The following JMJD7 variants were observed in gnomAD, a reference collection of about 807,000 sequenced individuals.
JMJD7 encodes the protein jumonji domain containing 7, also known as bifunctional peptidase and (3S)-lysyl hydroxylase JMJD7.
In JMJD7, 41 loss-of-function variants were observed where a neutral mutation model predicts 41.1. The observed-to-expected ratio is 1.00, with a 90% CI of 0.78 to 1.30. JMJD7 has a LOEUF of 1.30. JMJD7 is among the 50% of genes most tolerant of loss of function. The pLI, the probability that JMJD7 is intolerant of heterozygous loss-of-function variation, is 0.00. For synonymous variants in JMJD7, 202 were observed against 177.2 expected (o/e 1.14, Z -1.11); for missense variants, 480 against 420.7 (o/e 1.14, Z -1.23).
At chr15:41,833,623 G>A (rs923438174) in intron 1 of JMJD7, among the ~76,000 whole-genome samples, 3 of 151,188 alleles carry the variant, frequency 2.0e-5, no homozygotes, top group East Asian at 1.9e-4. Flanking sequence ...GTCTCCCTAC[G>A]TTGCCAAGGC....
Position 41,834,980 on chromosome 15 carries a change from G to T in JMJD7, c.229G>T (p.Gly77Cys), listed in dbSNP as rs759601576. 1 of 1,614,144 alleles carries T rather than the reference G, an allele frequency of 6.2e-7. No individual in the cohort carries two copies. Among genetic ancestry groups the T allele is most frequent in the Non-Finnish European group, 8.5e-7 (1 of 1,180,042 alleles). The change falls in exon 3 of 8, where the codon GGC becomes TGC. Residue 77 changes from glycine to cysteine, a missense_variant. Transcript: ENST00000397299. ...TGTCCATTCCTCTAGAGCCACAGTG[G>T]GCTCCACAGAGGTGAGTGTGGCCGT... Reference protein sequence around the residue: ...WSLPYFRATVGSTEVSVAVTP... With the variant: ...WSLPYFRATVCSTEVSVAVTP...
At chr15:41,835,509 G>C in intron 3 of JMJD7, 79 bp from the exon 4 acceptor site, 2 of 1,559,426 alleles carry the variant, frequency 1.3e-6, no homozygotes, top group East Asian at 2.3e-5. Context: ...GCTCACCCAG[G>C]TTTTGGCTCT....
intron 1 of JMJD7, among the ~76,000 whole-genome samples, chr15:41,828,917 A>G (rs1168573583): frequency 6.6e-6 from 1 of 152,020 alleles, no homozygotes. Context: ...AGTCTTTTTC[A>G]CGTCTGTGTG....
rs201715328 is a variant in JMJD7, at chr15:41,834,748, G to A, written c.73G>A (p.Val25Met). The A allele has an allele frequency of 5.3e-5, 86 of 1,614,020 alleles. No individual in the cohort carries two copies. The East Asian group carries it at 6.0e-4, about 11-fold the overall frequency. Reference protein sequence around the residue: ...EFPAAARELCVPLAVPYLDKP... With the variant: ...EFPAAARELCMPLAVPYLDKP... ...CTTCTTCTTTCTCTCAGAGCTCTGC[G>A]TGCCTCTTGCTGTGCCCTACCTGGA... Residue 25 changes from valine to methionine, a missense_variant, in exon 2 of 8, where the codon GTG (valine) becomes ATG (methionine). Transcript: ENST00000397299.
At chr15:41,829,477 A>C (rs2065195465) in intron 1 of JMJD7, among the ~76,000 whole-genome samples, 1 of 152,150 alleles carries the variant, frequency 6.6e-6, no homozygotes, top group South Asian at 2.1e-4. Flanking sequence ...ACGCCTGGCT[A>C]ATTTTTTTGA....
At chr15:41,831,149 A>G (rs1012269623) in intron 1 of JMJD7, among the ~76,000 whole-genome samples, 5 of 152,180 alleles carry the variant, frequency 3.3e-5, no homozygotes, top group Non-Finnish European at 5.9e-5. Context: ...TGAGACCCAT[A>G]AAAAGCCCCT....
At chr15:41,830,383 A>G (rs1596110523) in intron 1 of JMJD7, among the ~76,000 whole-genome samples, 1 of 152,234 alleles carries the variant, frequency 6.6e-6, no homozygotes, top group African/African-American at 2.4e-5. Context: ...CTGCCATGCC[A>G]TATGCACCTT....
At chr15:41,830,185 C>T (rs553975192) in intron 1 of JMJD7, among the ~76,000 whole-genome samples, 2 of 152,284 alleles carry the variant, frequency 1.3e-5, no homozygotes, top group East Asian at 1.9e-4. Flanking sequence ...GCCTGAACCT[C>T]GCTCCCTGCC....
intron 3 of JMJD7, 126 bp from the exon 4 acceptor site, chr15:41,835,462 C>G (rs1596114703): frequency 1.4e-6 from 2 of 1,419,238 alleles, no homozygotes; most frequent in African/African-American, 1.4e-5. Context: ...CCAACCTCTG[C>G]CTCTTCTCCC....
chr15:41,832,912 A>G (rs2065249691), intron 1 of JMJD7, among the ~76,000 whole-genome samples: 1 of 152,194 alleles, frequency 6.6e-6, no homozygotes, highest in Non-Finnish European at 1.5e-5. Context: ...AAACCAGTAG[A>G]AAGACACTCC....
chr15:41,835,500 C>A, intron 3 of JMJD7, 88 bp from the exon 4 acceptor site: 1 of 1,540,124 alleles, frequency 6.5e-7, no homozygotes, highest in Non-Finnish European at 8.8e-7. Context: ...TTCTTCTGTG[C>A]TCACCCAGGT....
intron 1 of JMJD7, among the ~76,000 whole-genome samples, chr15:41,828,753 G>A (rs1362906613): frequency 6.6e-6 from 1 of 152,094 alleles, no homozygotes; most frequent in Admixed American, 6.6e-5. Context: ...AATGAAGCAA[G>A]GTTTCCTCCC....
In JMJD7 at chr15:41,835,257, A is replaced by C. The variant is rs112203400; in HGVS notation, c.472+34A>C. On this transcript the variant is annotated intron_variant, in intron 3 of 7. Transcript: ENST00000397299. Reference sequence around the variant, plus strand: ...AGGTGGGGTGGTCGTGGCCCTGGACAGGGAAGATATGGGAAGGAGGGGGGT... The same window carrying C: ...AGGTGGGGTGGTCGTGGCCCTGGACCGGGAAGATATGGGAAGGAGGGGGGT... 1,487 of 1,579,696 alleles carry C rather than the reference A, an allele frequency of 9.4e-4. 17 individuals are homozygous for C. In the African/African-American group the frequency reaches 0.017, roughly 18 times the overall value.
chr15:41,828,367 G>C (rs2065172353), intron 1 of JMJD7, 179 bp downstream of exon 1: 1 of 717,592 alleles, frequency 1.4e-6, no homozygotes, highest in Non-Finnish European at 2.0e-6. Flanking sequence ...CGGCTTCCTG[G>C]GTGATTCTGT....
intron 4 of JMJD7, 131 bp downstream of exon 4, chr15:41,835,775 G>A (rs2065303791): frequency 1.7e-6 from 2 of 1,162,330 alleles, no homozygotes; most frequent in Non-Finnish European, 2.4e-6. Context: ...TTGGCTTCTA[G>A]GACTCGGGCA....
intron 1 of JMJD7, among the ~76,000 whole-genome samples, chr15:41,831,300 G>A (rs2065226958): frequency 6.6e-6 from 1 of 152,318 alleles, no homozygotes; most frequent in African/African-American, 2.4e-5. Context: ...AGGCATGCCA[G>A]CTCTTTCTTT....
chr15:41,836,996 T>TC, intron 7 of JMJD7, 56 bp downstream of exon 7: 1 of 1,610,490 alleles, frequency 6.2e-7, no homozygotes, highest in South Asian at 1.1e-5. Flanking sequence ...CAGCAGGGCC[T>TC]CTGGGGGGAG....
At chr15:41,836,600 G>T (rs369476948) in intron 6 of JMJD7, 49 bp downstream of exon 6, 16 of 1,500,908 alleles carry the variant, frequency 1.1e-5, no homozygotes, top group African/African-American at 2.8e-5. Flanking sequence ...GCAGAAGCCT[G>T]GCTCTGAAGA....
rs202082836 is a variant in JMJD7, at chr15:41,837,117, G to C, written c.912G>C (p.Gln304His). The C allele has an allele frequency of 5.6e-6, 9 of 1,613,598 alleles. No individual in the cohort carries two copies. The African/African-American group carries it at 9.3e-5, about 17-fold the overall frequency. Residue 304 changes from glutamine (Q) to histidine (H), a missense_variant, in exon 8 of 8, where the codon CAG (glutamine) becomes CAC (histidine). Gln to His is a conservative substitution (Grantham distance 24). Transcript: ENST00000397299. ...MEYDLKYSYF[Q>H]LLDSLTKASG... ...ACGACCTCAAGTATAGTTACTTCCA[G>C]CTGCTCGACTCCCTCACCAAGGCTT...
Sources: gnomAD v4.1 joint callset for allele counts (sites outside exome capture counted in the v4.1 genomes callset) on GRCh38, gnomAD v4.1.1 for gene constraint, MANE v1.5 for transcripts, NCBI Gene and HGNC (gene_info 2026-07-23, HGNC 2026-07-21) for gene names.